The following KALRN variants were observed in gnomAD, a reference collection of about 807,000 sequenced individuals.
The protein encoded by KALRN is kalirin.
KALRN carries 70 observed loss-of-function variants against 353.7 expected under a neutral mutation model. The observed-to-expected ratio is 0.20, with a 90% CI of 0.16 to 0.24. The LOEUF (loss-of-function observed/expected upper bound fraction) is 0.24, where lower values mean the gene tolerates loss of function less well. Ranked by LOEUF, KALRN falls within the 10% of genes least tolerant of loss-of-function variation. KALRN has a pLI of 1.00. For synonymous variants in KALRN, 1,391 were observed against 1,434.8 expected (o/e 0.97, Z 0.69); for missense variants, 2,791 against 3,756.7 (o/e 0.74, Z 6.72).
intron 17 of KALRN, among the ~76,000 whole-genome samples, chr3:124,436,286 C>G (rs1223851342): frequency 6.6e-6 from 1 of 152,178 alleles, no homozygotes; most frequent in Non-Finnish European, 1.5e-5. Context: ...GGTTACTTTA[C>G]CCCTCTGGAT....
chr3:124,516,178 C>T (rs888256384), intron 33 of KALRN, among the ~76,000 whole-genome samples: 1 of 152,154 alleles, frequency 6.6e-6, no homozygotes, highest in African/African-American at 2.4e-5. Flanking sequence ...GAATGCTTTC[C>T]AAGATTTTTA....
At chr3:124,121,123 A>G (rs1008830205) in intron 1 of KALRN, among the ~76,000 whole-genome samples, 5 of 151,252 alleles carry the variant, frequency 3.3e-5, no homozygotes, top group African/African-American at 4.9e-5. Context: ...AAGAAATCAG[A>G]AATGGCTACT....
intron 25 of KALRN, among the ~76,000 whole-genome samples, chr3:124,465,672 A>G (rs1469384457): frequency 6.6e-6 from 1 of 152,220 alleles, no homozygotes; most frequent in Non-Finnish European, 1.5e-5. Context: ...TGAATATGAA[A>G]AAAAATCAAA....
intron 3 of KALRN, among the ~76,000 whole-genome samples, chr3:124,256,315 C>G (rs1178437556): frequency 2.0e-5 from 3 of 152,200 alleles, no homozygotes; most frequent in Non-Finnish European, 4.4e-5. Context: ...CACTGGTACC[C>G]TAATTGCCCC....
intron 6 of KALRN, among the ~76,000 whole-genome samples, chr3:124,302,306 T>A (rs2077330468): frequency 6.6e-6 from 1 of 152,118 alleles, no homozygotes; most frequent in Non-Finnish European, 1.5e-5. Context: ...AACCAATAAG[T>A]CTTATGTTGG....
chr3:124,589,352 T>C (rs1409821849), intron 34 of KALRN, among the ~76,000 whole-genome samples: 1 of 152,206 alleles, frequency 6.6e-6, no homozygotes. Flanking sequence ...TCCCAGCACT[T>C]TGGAAGGCCA....
intron 33 of KALRN, among the ~76,000 whole-genome samples, chr3:124,522,613 A>G (rs1423962278): frequency 6.6e-6 from 1 of 152,188 alleles, no homozygotes; most frequent in Admixed American, 6.5e-5. Flanking sequence ...AGGATTGTTA[A>G]AGCACAGACT....
intron 1 of KALRN, among the ~76,000 whole-genome samples, chr3:124,143,331 C>A (rs1003828013): frequency 6.6e-6 from 1 of 152,158 alleles, no homozygotes; most frequent in African/African-American, 2.4e-5. Context: ...GTGGTTCAGG[C>A]AATCCACATG....
chr3:124,589,652 G>A (rs1418976702), intron 34 of KALRN, among the ~76,000 whole-genome samples: 2 of 152,166 alleles, frequency 1.3e-5, no homozygotes, highest in Non-Finnish European at 2.9e-5. Flanking sequence ...GGGCCTTGAT[G>A]TGTATCCTTT....
chr3:124,206,450 C>T (rs948618832), intron 1 of KALRN, among the ~76,000 whole-genome samples: 12 of 152,208 alleles, frequency 7.9e-5, no homozygotes, highest in African/African-American at 2.4e-4. Context: ...GGAAATGTAA[C>T]AGTCGTGTGC....
intron 3 of KALRN, among the ~76,000 whole-genome samples, chr3:124,260,720 A>C (rs2072731054): frequency 6.6e-6 from 1 of 152,008 alleles, no homozygotes; most frequent in African/African-American, 2.4e-5. Flanking sequence ...GGGGTGTGCA[A>C]AAAGAGGGAC....
intron 1 of KALRN, chr3:124,094,646 T>C: frequency 1.1e-5 from 7 of 634,008 alleles, no homozygotes; most frequent in Non-Finnish European, 1.7e-5. Flanking sequence ...GTTCCTTTGT[T>C]GCTGTGAAAC....
At chr3:124,090,957 T>G (rs1205189657) in intron 1 of KALRN, among the ~76,000 whole-genome samples, 3 of 152,200 alleles carry the variant, frequency 2.0e-5, no homozygotes, top group African/African-American at 7.2e-5. Flanking sequence ...GATACTTACT[T>G]GCTGTAGATA....
At chr3:124,346,476 G>A (rs1266407227) in intron 9 of KALRN, among the ~76,000 whole-genome samples, 1 of 152,128 alleles carries the variant, frequency 6.6e-6, no homozygotes, top group Non-Finnish European at 1.5e-5. Flanking sequence ...CTTCCCAAGA[G>A]ACTCAGATAT....
chr3:124,288,422 G>C (rs1217670610), intron 5 of KALRN, among the ~76,000 whole-genome samples: 1 of 152,140 alleles, frequency 6.6e-6, no homozygotes, highest in Non-Finnish European at 1.5e-5. Context: ...GATGGAATGA[G>C]CATAATATAG....
intron 3 of KALRN, among the ~76,000 whole-genome samples, chr3:124,262,751 C>A (rs1184888093): frequency 1.3e-5 from 2 of 152,092 alleles, no homozygotes; most frequent in Admixed American, 1.3e-4. Context: ...TAAAGCCCCC[C>A]AAAAAGGTTT....
chr3:124,701,957 C>T (rs2062362253), intron 56 of KALRN, 81 bp from the exon 57 acceptor site: 1 of 1,078,244 alleles, frequency 9.3e-7, no homozygotes, highest in Non-Finnish European at 1.4e-6. Context: ...TTTGGGGTTA[C>T]TCTGGAGCTT....
chr3:124,194,006 A>C (rs2075195395), intron 1 of KALRN, among the ~76,000 whole-genome samples: 2 of 152,170 alleles, frequency 1.3e-5, no homozygotes, highest in African/African-American at 4.8e-5. Context: ...TAGGCTTTGC[A>C]TCTGTATCTC....
chr3:124,423,058 A>G, intron 15 of KALRN, 80 bp downstream of exon 15: 2 of 1,432,526 alleles, frequency 1.4e-6, no homozygotes, highest in Non-Finnish European at 1.9e-6. Flanking sequence ...GGTATGAGGT[A>G]AGGCATACAG....
Sources: gnomAD v4.1 joint callset for allele counts (sites outside exome capture counted in the v4.1 genomes callset) on GRCh38, gnomAD v4.1.1 for gene constraint, MANE v1.5 for transcripts, NCBI Gene and HGNC (gene_info 2026-07-23, HGNC 2026-07-21) for gene names.